The following KAZN variants were observed in gnomAD, a reference collection of about 807,000 sequenced individuals.
KAZN encodes kazrin, periplakin interacting protein, also known as kazrin.
KAZN carries 40 observed loss-of-function variants against 87.4 expected under a neutral mutation model. That is an observed-to-expected ratio of 0.46 (90% CI 0.36 to 0.60). The LOEUF (loss-of-function observed/expected upper bound fraction) is 0.60. Among genes scored for constraint, KAZN ranks in the 20% least tolerant of loss-of-function variants. The probability of loss-of-function intolerance (pLI) is 0.00; values close to 1 mark genes in which losing one functional copy is unlikely to be tolerated. For synonymous variants in KAZN, 466 were observed against 458.3 expected (o/e 1.02, Z -0.22); for missense variants, 898 against 1,073.9 (o/e 0.84, Z 2.29).
chr1:14,694,084 T>C (rs1364468975), intron 1 of KAZN, among the ~76,000 whole-genome samples: 1 of 152,230 alleles, frequency 6.6e-6, no homozygotes, highest in African/African-American at 2.4e-5. Context: ...CCTGTTAAGC[T>C]GTGGGGCCGT....
chr1:14,412,798 AAAT>A (rs1471637137), intron 2 of KAZN, among the ~76,000 whole-genome samples: 2 of 151,602 alleles, frequency 1.3e-5, no homozygotes, highest in Non-Finnish European at 2.9e-5. Flanking sequence ...CAAAGACACA[AAAT>A]AATTTTTAAA....
chr1:14,427,852 A>G (rs1237800449), intron 2 of KAZN, among the ~76,000 whole-genome samples: 1 of 152,182 alleles, frequency 6.6e-6, no homozygotes, highest in Non-Finnish European at 1.5e-5. Context: ...GAAATTTATA[A>G]TGGACTACCT....
At chr1:14,497,259 A>G (rs1291324486) in intron 2 of KAZN, among the ~76,000 whole-genome samples, 2 of 150,998 alleles carry the variant, frequency 1.3e-5, no homozygotes, top group Admixed American at 6.6e-5. Context: ...CTCAATTATA[A>G]GAGATATAAG....
chr1:14,729,579 G>A (rs998961470), intron 1 of KAZN, among the ~76,000 whole-genome samples: 3 of 152,216 alleles, frequency 2.0e-5, no homozygotes, highest in African/African-American at 7.2e-5. Context: ...TAGACCTTCA[G>A]GTTGGTCACA....
In KAZN at chr1:14,615,625, C is replaced by CA. The variant is rs1198279999; in HGVS notation, c.226+16417dup. ...TGCATGTCAGAGTGAGACTCCATCT[C>CA]AAAAAAAAAAAAAAAGAGGAGCAGA... On this transcript the variant is annotated intron_variant, in intron 1 of 14. Transcript: ENST00000376030. Among the ~76,000 whole-genome samples, 353 of 117,722 alleles carry CA rather than the reference C, an allele frequency of 3.0e-3. 1 individual carries two copies. The highest frequency in any genetic ancestry group is 9.2e-3 in the South Asian group (34 of 3,710). The allele number at this position is 117,722 out of a possible 152,430, so 77.2% of individuals were successfully genotyped here.
chr1:14,454,934 G>T (rs1223496915), intron 2 of KAZN, among the ~76,000 whole-genome samples: 1 of 152,172 alleles, frequency 6.6e-6, no homozygotes, highest in Non-Finnish European at 1.5e-5. Flanking sequence ...CATCTCTCAT[G>T]AGGTTGCAGT....
At chr1:15,065,894 C>T (rs538813923) in intron 8 of KAZN, 141 bp downstream of exon 8, 4 of 1,480,950 alleles carry the variant, frequency 2.7e-6, no homozygotes, top group South Asian at 1.4e-5. Context: ...GCGTGGGGTG[C>T]GTGTGCACGT....
chr1:14,550,748 C>CA (rs1557793887), intron 2 of KAZN, among the ~76,000 whole-genome samples: 24 of 73,706 alleles, frequency 3.3e-4, no homozygotes, highest in Non-Finnish European at 6.2e-4. Context: ...TCCCCCACCC[C>CA]GCCACCCCCT....
At chr1:15,058,294 A>T (rs544059283) in intron 5 of KAZN, among the ~76,000 whole-genome samples, 1 of 152,226 alleles carries the variant, frequency 6.6e-6, no homozygotes, top group Non-Finnish European at 1.5e-5. Context: ...AGGATGCCCA[A>T]GGTCACACAG....
chr1:14,144,633 C>A (rs1645307737), intron 1 of KAZN, among the ~76,000 whole-genome samples: 1 of 152,006 alleles, frequency 6.6e-6, no homozygotes, highest in Non-Finnish European at 1.5e-5. Context: ...TACCTGAGAC[C>A]AGGTAGTTTA....
intron 13 of KAZN, among the ~76,000 whole-genome samples, chr1:15,109,865 ATG>A (rs146869890): frequency 3.7e-4 from 56 of 149,404 alleles, no homozygotes; most frequent in African/African-American, 1.4e-3. Context: ...GCGTGTATAT[ATG>A]TGTGTATGTG....
At chr1:14,940,149 G>A (rs1660889160) in intron 1 of KAZN, among the ~76,000 whole-genome samples, 1 of 152,190 alleles carries the variant, frequency 6.6e-6, no homozygotes, top group South Asian at 2.1e-4. Context: ...GGTATAGAGA[G>A]CTGCTTCCTT....
chr1:14,522,602 A>G (rs1671646090), intron 2 of KAZN, among the ~76,000 whole-genome samples: 1 of 152,228 alleles, frequency 6.6e-6, no homozygotes, highest in African/African-American at 2.4e-5. Flanking sequence ...CGAGAAAAGA[A>G]CAAATGCAAA....
intron 8 of KAZN, among the ~76,000 whole-genome samples, chr1:15,086,476 G>A (rs1032740623): frequency 2.0e-5 from 3 of 152,156 alleles, no homozygotes; most frequent in African/African-American, 7.2e-5. Flanking sequence ...ATAGGCAAAA[G>A]TTGTAACAGC....
chr1:14,233,145 T>G (rs1314987594), intron 2 of KAZN, among the ~76,000 whole-genome samples: 1 of 152,110 alleles, frequency 6.6e-6, no homozygotes, highest in Non-Finnish European at 1.5e-5. Flanking sequence ...TTTATTTTTT[T>G]TTTTGAGACA....
At chr1:15,053,269 C>T (rs1167369504) in intron 4 of KAZN, among the ~76,000 whole-genome samples, 3 of 152,194 alleles carry the variant, frequency 2.0e-5, no homozygotes, top group African/African-American at 7.2e-5. Flanking sequence ...GCCACCGACT[C>T]GCCTGGGCTG....
chr1:14,235,318 G>T (rs999547493), intron 2 of KAZN, among the ~76,000 whole-genome samples: 8 of 152,076 alleles, frequency 5.3e-5, no homozygotes, highest in Non-Finnish European at 1.0e-4. Context: ...CTATAACATG[G>T]ATGAAGCTTG....
chr1:14,499,200 A>C (rs12125185), intron 2 of KAZN, among the ~76,000 whole-genome samples: 28,315 of 152,080 alleles, frequency 0.19, 3,014 homozygotes, highest in Non-Finnish European at 0.25. Flanking sequence ...TAGCTCAGGC[A>C]AGTCGTGTGA....
intron 1 of KAZN, among the ~76,000 whole-genome samples, chr1:14,761,821 C>T (rs1248505014): frequency 6.6e-6 from 1 of 151,644 alleles, no homozygotes; most frequent in Non-Finnish European, 1.5e-5. Flanking sequence ...GCTGTCTGAA[C>T]GTGGCACTGA....
Sources: gnomAD v4.1 joint callset for allele counts (sites outside exome capture counted in the v4.1 genomes callset) on GRCh38, gnomAD v4.1.1 for gene constraint, MANE v1.5 for transcripts, NCBI Gene and HGNC (gene_info 2026-07-23, HGNC 2026-07-21) for gene names.